Variants in STRA6 observed in about 807,000 individuals in gnomAD.
STRA6 encodes the protein receptor for retinol uptake STRA6.
A neutral mutation model predicts 83.6 loss-of-function variants in STRA6; 48 were observed. The ratio of observed to expected loss-of-function variants is 0.57; its 90% CI spans 0.46 to 0.73. The LOEUF (loss-of-function observed/expected upper bound fraction) is 0.73, where lower values mean the gene tolerates loss of function less well. Among genes scored for constraint, STRA6 ranks in the 30% least tolerant of loss-of-function variants. The pLI, the probability that STRA6 is intolerant of heterozygous loss-of-function variation, is 0.00. For synonymous variants in STRA6, 353 were observed against 362.3 expected (o/e 0.97, Z 0.29); for missense variants, 760 against 838.8 (o/e 0.91, Z 1.16).
intron 12 of STRA6, among the ~76,000 whole-genome samples, chr15:74,187,046 G>A (rs2073288914): frequency 6.6e-6 from 1 of 152,234 alleles, no homozygotes; most frequent in Non-Finnish European, 1.5e-5. Context: ...TCCAGCCTCT[G>A]TGGTCCCCCT....
At chr15:74,207,887 G>T (rs2142113718) in intron 1 of STRA6, 1 of 1,502,778 alleles carries the variant, frequency 6.7e-7, no homozygotes. Context: ...GGGCTGGAAG[G>T]CAGTGTCGTC....
intron 9 of STRA6, 70 bp from the exon 10 acceptor site, chr15:74,191,313 C>A: frequency 6.2e-7 from 1 of 1,610,216 alleles, no homozygotes; most frequent in African/African-American, 1.3e-5. Flanking sequence ...GCCCCAGAGG[C>A]TGGTCATTCT....
upstream of STRA6, among the ~76,000 whole-genome samples, chr15:74,203,750 G>A (rs527843666): frequency 6.6e-6 from 1 of 152,328 alleles, no homozygotes; most frequent in South Asian, 2.1e-4. Flanking sequence ...GGGTTACAAA[G>A]GGAATCACAG....
chr15:74,197,286 G>A, intron 4 of STRA6, 52 bp downstream of exon 4: 3 of 1,344,498 alleles, frequency 2.2e-6, no homozygotes, highest in Non-Finnish European at 3.1e-6. Context: ...CTCCCAGAGG[G>A]ACCCTGTCAG....
chr15:74,194,388 T>C, intron 7 of STRA6: 1 of 1,062,840 alleles, frequency 9.4e-7, no homozygotes, highest in South Asian at 3.5e-5. Flanking sequence ...ATTCATTTAT[T>C]TGTTGGTTCA....
chr15:74,190,926 T>G, intron 10 of STRA6, 25 bp from the exon 11 acceptor site: 1 of 1,613,998 alleles, frequency 6.2e-7, no homozygotes, highest in Non-Finnish European at 8.5e-7. Flanking sequence ...GGAAGGAGTA[T>G]GGTGAACAGC....
At chr15:74,199,962 A>G (rs768958380) in intron 2 of STRA6, among the ~76,000 whole-genome samples, 26 of 152,218 alleles carry the variant, frequency 1.7e-4, no homozygotes, top group Non-Finnish European at 3.2e-4. Flanking sequence ...CACGCCTATA[A>G]TCCCAGCACT....
chr15:74,202,128 A>C, intron 2 of STRA6, 27 bp downstream of exon 2: 1 of 1,460,790 alleles, frequency 6.8e-7, no homozygotes, highest in Non-Finnish European at 9.0e-7. Flanking sequence ...TGGCTGACAG[A>C]GTGAGGTGGG....
chr15:74,191,216 C>T lies in STRA6; in HGVS notation c.816G>A (p.Leu272=). The T allele has an allele frequency of 2.5e-6, 4 of 1,613,998 alleles. No homozygotes were observed. The highest frequency in any genetic ancestry group is 3.4e-6 in the Non-Finnish European group (4 of 1,180,012). The change falls in exon 10 of 19, where the codon CTG becomes CTA. Residue 272 remains leucine (L), a synonymous_variant. Transcript: ENST00000395105. ...GTCTCAAGCAGACGCGGGCCCAGGA[C>T]AGGAAGCCATGCTTGGAGGTGTGGT... is the stretch of plus-strand genomic sequence containing the variant. The part of the protein sequence containing the change: ...SSYHTSKHGF[L]SWARVCLRHC...
upstream of STRA6, chr15:74,202,949 CA>C: frequency 1.0e-6 from 1 of 988,044 alleles, no homozygotes; most frequent in Non-Finnish European, 1.2e-6. Flanking sequence ...CTGAGCCCTG[CA>C]AGGGTGTGGC....
Position 74,188,704 on chromosome 15 carries a change from A to G in STRA6, c.1090+411T>C, listed in dbSNP as rs1484333035. Among the ~76,000 whole-genome samples the G allele has an allele frequency of 1.3e-5, 2 of 152,170 alleles. No individual in the cohort carries two copies. Among genetic ancestry groups the G allele is most frequent in the Admixed American group, 1.3e-4 (2 of 15,278 alleles). On this transcript the variant is annotated intron_variant, in intron 12 of 18. Coordinates refer to ENST00000395105, the MANE Select transcript of STRA6 (RefSeq NM_022369.4). The surrounding 1 kb of genome is among the most constrained non-coding windows in gnomAD (Gnocchi z 4.5). ...AAAAGACAGGGAGTGGGGAAGAGAA[A>G]GCCTGTGCCCTGCCCAACGCCAGAC...
chr15:74,195,878 A>T, intron 5 of STRA6, 130 bp downstream of exon 5: 1 of 1,354,590 alleles, frequency 7.4e-7, no homozygotes, highest in Non-Finnish European at 1.0e-6. Context: ...GTCACGTCTC[A>T]GGATAGCAGC....
At chr15:74,207,858 A>C in intron 1 of STRA6, 2 of 1,526,270 alleles carry the variant, frequency 1.3e-6, no homozygotes, top group Non-Finnish European at 1.8e-6. Context: ...GCACCAGACC[A>C]AGTCTGACTC....
rs113426451 is a variant in STRA6 at position 74,191,863 on chromosome 15, C to T, written c.721-372G>A. 2.8e-4 allele frequency: 107 copies of T among 388,028 alleles called. 1 individual carries two copies. The highest frequency in any genetic ancestry group is 1.7e-3 in the African/African-American group (82 of 48,404). 24.0% of individuals were successfully genotyped at this position (388,028 alleles called of 1,614,324 possible). A position where few individuals can be genotyped will look rare whatever the true frequency, so the allele number is the denominator to read the frequency against. On this transcript the variant is annotated intron_variant, in intron 8 of 18. Transcript: ENST00000395105. ...GGGGCAAAGGGAAGCTTGTGTCCCA[C>T]GGGCACATCCTAGACCAGGACACAG...
At chr15:74,190,782 C>T in intron 11 of STRA6, 58 bp downstream of exon 11, 1 of 1,613,192 alleles carries the variant, frequency 6.2e-7, no homozygotes, top group Non-Finnish European at 8.5e-7. Flanking sequence ...CTGCTCCAGG[C>T]TTGGGGGTTG....
upstream of STRA6, chr15:74,209,522 G>T (rs796228399): frequency 7.5e-7 from 1 of 1,328,044 alleles, no homozygotes; most frequent in Middle Eastern, 1.8e-4. Context: ...GGGCTTCAGG[G>T]CTGGAATTCC....
intron 8 of STRA6, among the ~76,000 whole-genome samples, chr15:74,192,659 C>A (rs2073604656): frequency 6.6e-6 from 1 of 152,224 alleles, no homozygotes; most frequent in African/African-American, 2.4e-5. Context: ...GGCACCACCA[C>A]CTACCTGCTG....
At chr15:74,209,029 C>G (rs1595871155) in exon 1 of STRA6, 1 of 1,127,882 alleles carries the variant, frequency 8.9e-7, no homozygotes, top group East Asian at 6.5e-5. Context: ...GGTGTTTGAT[C>G]TGCTCCTCCC....
intron 4 of STRA6, 113 bp downstream of exon 4, chr15:74,197,225 G>C: frequency 1.3e-6 from 1 of 747,806 alleles, no homozygotes; most frequent in South Asian, 1.6e-5. Flanking sequence ...GGGCGATAGG[G>C]ATGTCATTAA....
Sources: gnomAD v4.1 joint callset for allele counts (sites outside exome capture counted in the v4.1 genomes callset) on GRCh38, gnomAD v4.1.1 for gene constraint, Gnocchi (gnomAD v3.1) non-coding constraint, MANE v1.5 for transcripts, NCBI Gene and HGNC (gene_info 2026-07-23, HGNC 2026-07-21) for gene names.